SPA17: variants seen among roughly 807,000 people sequenced by gnomAD.
The protein encoded by SPA17 is sperm autoantigenic protein 17, also known as sperm surface protein Sp17.
Under a neutral mutation model 13.8 loss-of-function variants are expected in SPA17, and 7 were observed. That is an observed-to-expected ratio of 0.51 (90% confidence interval 0.29 to 0.95). SPA17 has a LOEUF of 0.95. SPA17 is among the 40% of genes least tolerant of loss of function. SPA17 has a pLI of 0.08. For synonymous variants in SPA17, 61 were observed against 59.0 expected (o/e 1.03, Z -0.16); for missense variants, 170 against 179.3 (o/e 0.95, Z 0.30).
chr11:124,680,951 T>C (rs1374081376), intron 2 of SPA17, among the ~76,000 whole-genome samples: 2 of 152,068 alleles, frequency 1.3e-5, no homozygotes, highest in African/African-American at 2.4e-5. Context: ...CTTGTCTGTG[T>C]CAACTGTCTA....
At chr11:124,678,571 G>T (rs1353477990) in intron 2 of SPA17, among the ~76,000 whole-genome samples, 1 of 148,130 alleles carries the variant, frequency 6.8e-6, no homozygotes, top group African/African-American at 2.6e-5. Flanking sequence ...TTTGCCACAG[G>T]GTTTGGCTCT....
At chr11:124,688,304 T>C (rs1374638242) in intron 3 of SPA17, among the ~76,000 whole-genome samples, 1 of 152,218 alleles carries the variant, frequency 6.6e-6, no homozygotes, top group Non-Finnish European at 1.5e-5. Flanking sequence ...TGCATCACCA[T>C]GACTGACTCC....
chr11:124,690,291 A>T lies in SPA17; in HGVS notation c.226-1405A>T, dbSNP rs1339371893. ...GGAATACAATTCAGCCATAATACAG[A>T]ATGAAGTCGTGTCTTTTCCAGCAAC... is the stretch of plus-strand genomic sequence containing the variant. On this transcript the variant is annotated intron_variant, in intron 3 of 4. Coordinates refer to ENST00000227135, the MANE Select transcript of SPA17 (RefSeq NM_017425.4). 2.6e-5 allele frequency among the ~76,000 whole-genome samples: 4 copies of T among 152,356 alleles called. No homozygotes were observed. The East Asian group carries it at 7.7e-4, about 29-fold the overall frequency.
chr11:124,681,632 A>G (rs1199016273), intron 3 of SPA17, among the ~76,000 whole-genome samples, 173 bp downstream of exon 3: 1 of 151,740 alleles, frequency 6.6e-6, no homozygotes, highest in Non-Finnish European at 1.5e-5. Flanking sequence ...AAGATTATTT[A>G]TTAAAAAGAT....
intron 3 of SPA17, among the ~76,000 whole-genome samples, chr11:124,684,655 T>A (rs1294005468): frequency 6.6e-6 from 1 of 152,156 alleles, no homozygotes; most frequent in Non-Finnish European, 1.5e-5. Flanking sequence ...AGGTTCGAAC[T>A]CTTTGGAGGG....
intron 4 of SPA17, among the ~76,000 whole-genome samples, chr11:124,692,744 T>C (rs893632784): frequency 1.3e-5 from 2 of 152,206 alleles, no homozygotes; most frequent in African/African-American, 4.8e-5. Context: ...TTAAAACACT[T>C]ACCAGTACAT....
chr11:124,690,503 G>T (rs1038699452), intron 3 of SPA17, among the ~76,000 whole-genome samples: 3 of 152,134 alleles, frequency 2.0e-5, no homozygotes, highest in Non-Finnish European at 4.4e-5. Flanking sequence ...ATGAGAAATT[G>T]GTTAAAGGCT....
intron 3 of SPA17, among the ~76,000 whole-genome samples, chr11:124,688,735 T>C (rs1238901762): frequency 6.6e-6 from 1 of 152,168 alleles, no homozygotes; most frequent in Non-Finnish European, 1.5e-5. Flanking sequence ...AAAACAATCC[T>C]AAAATTCATA....
intron 3 of SPA17, among the ~76,000 whole-genome samples, chr11:124,687,474 C>T (rs1208673887): frequency 6.6e-6 from 1 of 152,004 alleles, no homozygotes; most frequent in Non-Finnish European, 1.5e-5. Context: ...ACCCTAATAC[C>T]AAAATGAGAC....
intron 2 of SPA17, 100 bp downstream of exon 2, chr11:124,675,518 T>G: frequency 1.5e-6 from 2 of 1,319,022 alleles, no homozygotes; most frequent in East Asian, 4.8e-5. Flanking sequence ...GAAAGCCTTT[T>G]ATGAGGCAGG....
chr11:124,679,545 C>G (rs1271050141), intron 2 of SPA17, among the ~76,000 whole-genome samples: 1 of 152,110 alleles, frequency 6.6e-6, no homozygotes, highest in Non-Finnish European at 1.5e-5. Context: ...ATCAGTGTGA[C>G]CTCATGTTTT....
At chr11:124,684,504 G>A (rs1284107552) in intron 3 of SPA17, among the ~76,000 whole-genome samples, 9 of 152,068 alleles carry the variant, frequency 5.9e-5, no homozygotes, top group African/African-American at 1.7e-4. Flanking sequence ...TACCCACCTC[G>A]TCTTCCCAAA....
At chr11:124,678,572 G>A (rs1943496973) in intron 2 of SPA17, among the ~76,000 whole-genome samples, 1 of 151,114 alleles carries the variant, frequency 6.6e-6, no homozygotes, top group Non-Finnish European at 1.5e-5. Flanking sequence ...TTGCCACAGG[G>A]TTTGGCTCTG....
chr11:124,673,990 C>G, intron 1 of SPA17, 38 bp downstream of exon 1: 1 of 505,958 alleles, frequency 2.0e-6, no homozygotes, highest in Admixed American at 3.3e-5. Flanking sequence ...GATACCAAGA[C>G]CTAGCCTTTT....
At chr11:124,692,439 G>A (rs1057450977) in intron 4 of SPA17, among the ~76,000 whole-genome samples, 1 of 152,094 alleles carries the variant, frequency 6.6e-6, no homozygotes, top group Non-Finnish European at 1.5e-5. Flanking sequence ...AATTAGCCGG[G>A]CATGGTGGCG....
At chr11:124,680,300 C>T (rs1022752634) in intron 2 of SPA17, among the ~76,000 whole-genome samples, 2 of 152,142 alleles carry the variant, frequency 1.3e-5, no homozygotes, top group East Asian at 1.9e-4. Context: ...AAAATCAAAC[C>T]GTCAAACCCG....
rs760730311 is a variant in SPA17 at position 124,673,971 on chromosome 11, T to G, written c.-28+19T>G. On this transcript the variant is annotated intron_variant, in intron 1 of 4. Transcript: ENST00000227135. The stretch of plus-strand genomic sequence containing the variant: ...AAAGGAGGTGAGGCCGCTTCCCCAC[T>G]TCCTCTCCGATACCAAGACCTAGCC... 83 of 537,696 alleles carry G rather than the reference T, an allele frequency of 1.5e-4. 1 individual carries two copies. The highest frequency in any genetic ancestry group is 3.1e-4 in the Admixed American group (10 of 31,816). 33.3% of individuals were successfully genotyped at this position (537,696 alleles called of 1,614,324 possible).
chr11:124,691,576 AT>A (rs1407364988), intron 3 of SPA17, 119 bp from the exon 4 acceptor site: 2 of 476,390 alleles, frequency 4.2e-6, no homozygotes, highest in Non-Finnish European at 7.3e-6. Flanking sequence ...AATACGTAGT[AT>A]TTAATTCCCC....
At chr11:124,683,076 A>G (rs1943543687) in intron 3 of SPA17, among the ~76,000 whole-genome samples, 1 of 152,196 alleles carries the variant, frequency 6.6e-6, no homozygotes, top group South Asian at 2.1e-4. Flanking sequence ...GAGTGGGATG[A>G]TAATTCAAAG....
Sources: gnomAD v4.1 joint callset for allele counts (sites outside exome capture counted in the v4.1 genomes callset) on GRCh38, gnomAD v4.1.1 for gene constraint, MANE v1.5 for transcripts, NCBI Gene and HGNC (gene_info 2026-07-23, HGNC 2026-07-21) for gene names.